NFIC: variants seen among roughly 807,000 people sequenced by gnomAD.
The protein encoded by NFIC is nuclear factor I C.
In NFIC, 12 loss-of-function variants were observed where a neutral mutation model predicts 54.4. The observed-to-expected ratio is 0.22, with a 90% CI of 0.14 to 0.36. NFIC has a LOEUF of 0.36. Ranked by LOEUF, NFIC falls within the 10% of genes least tolerant of loss-of-function variation. NFIC has a pLI of 1.00. For missense variants in NFIC, 575 were observed against 718.2 expected, an observed-to-expected ratio of 0.80 and a Z score of 2.28; for synonymous variants, 322 against 319.2, an observed-to-expected ratio of 1.01 and a Z score of -0.09.
intron 3 of NFIC, among the ~76,000 whole-genome samples, chr19:3,431,740 G>A (rs890521680): frequency 2.0e-5 from 3 of 152,102 alleles, no homozygotes; most frequent in Admixed American, 6.6e-5. Context: ...CTGAGCTCAC[G>A]AGATCCACCC....
chr19:3,396,529 A>G (rs2081467056), intron 2 of NFIC, among the ~76,000 whole-genome samples: 1 of 151,010 alleles, frequency 6.6e-6, no homozygotes, highest in South Asian at 2.1e-4. Context: ...GGCCTCGGGC[A>G]CACCCTCACT....
chr19:3,372,010 T>C (rs1339192382), intron 1 of NFIC, among the ~76,000 whole-genome samples: 10 of 115,194 alleles, frequency 8.7e-5, no homozygotes, highest in African/African-American at 3.3e-4. Flanking sequence ...TCTCTCTCTC[T>C]CTCTCTCTCT....
upstream of NFIC, among the ~76,000 whole-genome samples, chr19:3,362,527 T>C (rs916540980): frequency 6.6e-6 from 1 of 151,798 alleles, no homozygotes; most frequent in African/African-American, 2.4e-5. Flanking sequence ...GTGCGTGTAT[T>C]TGTGTCTTTG....
chr19:3,405,102 C>T (rs1247183004), intron 2 of NFIC, among the ~76,000 whole-genome samples: 1 of 152,256 alleles, frequency 6.6e-6, no homozygotes, highest in Admixed American at 6.5e-5. Context: ...AGAAACTTTT[C>T]TTTGAAAGTG....
intron 5 of NFIC, 112 bp from the exon 6 acceptor site, chr19:3,434,971 C>G (rs937259827): frequency 1.5e-5 from 21 of 1,364,204 alleles, no homozygotes; most frequent in Non-Finnish European, 2.1e-5. Context: ...TCTCGCGATA[C>G]TACCTCCCTC....
intron 2 of NFIC, among the ~76,000 whole-genome samples, chr19:3,386,574 C>T (rs900206103): frequency 2.0e-5 from 3 of 151,886 alleles, no homozygotes; most frequent in East Asian, 1.9e-4. Flanking sequence ...CCGCCCTCCT[C>T]GGCCTCCCAA....
rs372599270 is a variant in NFIC at position 3,427,485 on chromosome 19, GAGA to G, written c.634+2315_634+2317del. 3.3e-5 allele frequency among the ~76,000 whole-genome samples: 5 copies of G among 152,170 alleles called. No individual in the cohort carries two copies. In the East Asian group the frequency reaches 5.8e-4, roughly 18 times the overall value. On this transcript the variant is annotated intron_variant, in intron 3 of 10. Coordinates refer to ENST00000443272, the MANE Select transcript of NFIC (RefSeq NM_001245002.2). Reference sequence around the variant, plus strand: ...AGGAGAGAGGGAGGGATGAAGCAGAGAGAAGAAGACAAGAGAGGATATATGGGG... The same window carrying G: ...AGGAGAGAGGGAGGGATGAAGCAGAGAGAAGACAAGAGAGGATATATGGGG...
upstream of NFIC, among the ~76,000 whole-genome samples, chr19:3,362,409 C>CTGTG (rs35259047): frequency 7.2e-3 from 1,078 of 149,236 alleles, 6 homozygotes; most frequent in African/African-American, 0.022. Flanking sequence ...CCATGTGGGT[C>CTGTG]TGTGTGTGTG....
chr19:3,420,123 C>G (rs988959283), intron 2 of NFIC, among the ~76,000 whole-genome samples: 11 of 152,206 alleles, frequency 7.2e-5, no homozygotes, highest in Admixed American at 2.6e-4. Flanking sequence ...GAGTTCCAGA[C>G]CAGCTAGGGC....
chr19:3,439,161 A>G (rs1215625794), intron 6 of NFIC, among the ~76,000 whole-genome samples: 1 of 142,726 alleles, frequency 7.0e-6, no homozygotes, highest in African/African-American at 2.8e-5. Context: ...GCAAGACCCC[A>G]TCTCTACTTA....
chr19:3,445,106 C>T (rs574009458), intron 6 of NFIC, among the ~76,000 whole-genome samples: 39 of 152,168 alleles, frequency 2.6e-4, no homozygotes, highest in African/African-American at 8.4e-4. Flanking sequence ...CACATGCGTA[C>T]ACACACATGC....
chr19:3,390,098 T>C (rs967055602), intron 2 of NFIC, among the ~76,000 whole-genome samples: 1 of 152,220 alleles, frequency 6.6e-6, no homozygotes, highest in African/African-American at 2.4e-5. Context: ...ACACCTCCTT[T>C]TCCCAACCCA....
chr19:3,363,269 ATTTTT>A (rs1178364391), upstream of NFIC, among the ~76,000 whole-genome samples: 1,266 of 36,468 alleles, frequency 0.035, 25 homozygotes, highest in East Asian at 0.097. Context: ...ATATATATAT[ATTTTT>A]TTTTTTTTTT....
At chr19:3,424,634 T>C (rs1316845194) in intron 2 of NFIC, among the ~76,000 whole-genome samples, 1 of 151,956 alleles carries the variant, frequency 6.6e-6, no homozygotes, top group Non-Finnish European at 1.5e-5. Flanking sequence ...CTGCCTCCCT[T>C]GGCCTCCCAA....
intron 2 of NFIC, among the ~76,000 whole-genome samples, chr19:3,389,909 G>A (rs764129308): frequency 1.3e-5 from 2 of 152,198 alleles, no homozygotes; most frequent in East Asian, 1.9e-4. Flanking sequence ...GCTTGAGCCC[G>A]GGAGAAGGAG....
chr19:3,388,836 G>GTT (rs55918109), intron 2 of NFIC, among the ~76,000 whole-genome samples: 147 of 149,824 alleles, frequency 9.8e-4, no homozygotes, highest in African/African-American at 3.3e-3. Context: ...TCTAAAAACC[G>GTT]TTTTTTTTAA....
chr19:3,368,082 G>A (rs1344434871), intron 1 of NFIC, among the ~76,000 whole-genome samples: 2 of 152,012 alleles, frequency 1.3e-5, no homozygotes, highest in East Asian at 3.9e-4. Flanking sequence ...GGGGGTTCCC[G>A]AAGAAGGCAT....
At chr19:3,431,384 TTTGA>T (rs2082118779) in intron 3 of NFIC, among the ~76,000 whole-genome samples, 1 of 136,870 alleles carries the variant, frequency 7.3e-6, no homozygotes, top group Admixed American at 7.3e-5. Flanking sequence ...TTTTTTTTTT[TTTGA>T]GACAGGGTCT....
chr19:3,408,147 CG>C (rs976797322), intron 2 of NFIC, among the ~76,000 whole-genome samples: 27 of 152,120 alleles, frequency 1.8e-4, no homozygotes, highest in African/African-American at 6.5e-4. Context: ...GGCGAGCTCA[CG>C]GTGGCGGCCG....
Sources: gnomAD v4.1 joint callset for allele counts (sites outside exome capture counted in the v4.1 genomes callset) on GRCh38, gnomAD v4.1.1 for gene constraint, MANE v1.5 for transcripts, NCBI Gene and HGNC (gene_info 2026-07-23, HGNC 2026-07-21) for gene names.